ST3GAL1: variants seen among roughly 807,000 people sequenced by gnomAD.
ST3GAL1 encodes the protein CMP-N-acetylneuraminate-beta-galactosamide-alpha-2,3-sialyltransferase 1.
ST3GAL1 carries 16 observed loss-of-function variants against 34.1 expected under a neutral mutation model. The ratio of observed to expected loss-of-function variants is 0.47; its 90% CI spans 0.32 to 0.71. ST3GAL1 has a LOEUF of 0.71. Among genes scored for constraint, ST3GAL1 ranks in the 30% least tolerant of loss-of-function variants. The pLI, the probability that ST3GAL1 is intolerant of heterozygous loss-of-function variation, is 0.04. For missense variants in ST3GAL1, 353 were observed against 447.4 expected, an observed-to-expected ratio of 0.79 and a Z score of 1.90; for synonymous variants, 191 against 184.7, an observed-to-expected ratio of 1.03 and a Z score of -0.28.
At position 133,457,617 on chromosome 8, in the gene ST3GAL1, C is replaced by T. The variant is rs572054881; in HGVS notation, c.*2147G>A. 4.1e-4 allele frequency: 63 copies of T among 152,332 alleles called. No homozygotes were observed. Among genetic ancestry groups the T allele is most frequent in the African/African-American group, 1.4e-3 (59 of 41,586 alleles). The allele number at this position is 152,332 out of a possible 1,614,324, so 9.4% of individuals were successfully genotyped here. A position where few individuals can be genotyped will look rare whatever the true frequency, so the allele number is the denominator to read the frequency against. On this transcript the variant is annotated 3_prime_UTR_variant, in exon 10 of 10. Transcript: ENST00000522652. The stretch of plus-strand genomic sequence containing the variant: ...GTTTTGGAGGATTTTAAAGCTGAAA[C>T]AGGTTTTCGGTTTGTTTAACACATT...
intron 5 of ST3GAL1, among the ~76,000 whole-genome samples, chr8:133,471,842 A>G (rs953084934): frequency 6.6e-6 from 1 of 152,126 alleles, no homozygotes; most frequent in Middle Eastern, 3.4e-3. Flanking sequence ...GGCACTGGGC[A>G]TGGATGTCTG....
chr8:133,564,867 T>A (rs769137297), intron 1 of ST3GAL1, among the ~76,000 whole-genome samples: 1 of 152,210 alleles, frequency 6.6e-6, no homozygotes, highest in Non-Finnish European at 1.5e-5. Context: ...AAACCTCCAA[T>A]TGAAACCCAG....
Position 133,571,304 on chromosome 8 carries a change from G to A in ST3GAL1, c.-582+389C>T, listed in dbSNP as rs1264865589. 6.6e-6 allele frequency among the ~76,000 whole-genome samples: 1 copy of A among 152,162 alleles called. No homozygotes were observed. Among genetic ancestry groups the A allele is most frequent in the Non-Finnish European group, 1.5e-5 (1 of 68,028 alleles). On this transcript the variant is annotated intron_variant, in intron 1 of 9. Coordinates refer to ENST00000522652, the MANE Select transcript of ST3GAL1 (RefSeq NM_173344.3). The surrounding 1 kb of genome is among the most constrained non-coding windows in gnomAD (Gnocchi z 6.7). ...GCGGAGGAGATCCCAGCCCGGCGCC[G>A]GGTGCAATGTCACTGGGGCTGCTTT...
chr8:133,551,480 AAGAAAGAAAG>A (rs955564393), intron 1 of ST3GAL1, among the ~76,000 whole-genome samples: 16 of 150,630 alleles, frequency 1.1e-4, no homozygotes, highest in Admixed American at 2.7e-4. Context: ...GAGAGAGAGA[AAGAAAGAAAG>A]AGAAAGAAAG....
chr8:133,475,990 A>G lies in ST3GAL1; in HGVS notation c.35T>C (p.Leu12Pro). ...VTLRKRTLKVLTFLVLFIFLT... is the reference protein window; with the variant it reads ...VTLRKRTLKVPTFLVLFIFLT... ...GAAGATGAAGAGCACGAGGAAGGTGAGCACTTTCAGGGTCCTCTTCCGCAG... is the reference window on the plus strand; with the variant it reads ...GAAGATGAAGAGCACGAGGAAGGTGGGCACTTTCAGGGTCCTCTTCCGCAG... The change falls in exon 5 of 10, where the codon CTC becomes CCC. Residue 12 changes from leucine to proline, a missense_variant. By Grantham distance (98) the Leu-to-Pro change is moderately conservative. Coordinates refer to ENST00000522652, the MANE Select transcript of ST3GAL1 (RefSeq NM_173344.3). The G allele has an allele frequency of 1.9e-6, 3 of 1,609,682 alleles. No homozygotes were observed. Among genetic ancestry groups the G allele is most frequent in the Non-Finnish European group, 1.7e-6 (2 of 1,177,616 alleles).
chr8:133,517,873 T>C (rs1324903976), intron 2 of ST3GAL1, among the ~76,000 whole-genome samples: 4 of 152,222 alleles, frequency 2.6e-5, no homozygotes, highest in African/African-American at 9.6e-5. Flanking sequence ...AATCTAGAGT[T>C]CTGGCTACCT....
chr8:133,461,801 C>T lies in ST3GAL1; in HGVS notation c.849+74G>A, dbSNP rs538620781. 84 of 1,591,728 alleles carry T rather than the reference C, an allele frequency of 5.3e-5. No individual in the cohort carries two copies. Among genetic ancestry groups the T allele is most frequent in the South Asian group, 2.1e-4 (19 of 88,554 alleles). Reference sequence around the variant, plus strand: ...CAGGCTAGGTCTACCTGCCCTCCCCCTCCCTGGCCTCTCTTGGGAACACAG... The same window carrying T: ...CAGGCTAGGTCTACCTGCCCTCCCCTTCCCTGGCCTCTCTTGGGAACACAG... On this transcript the variant is annotated intron_variant, in intron 9 of 9. Coordinates refer to ENST00000522652, the MANE Select transcript of ST3GAL1 (RefSeq NM_173344.3). The surrounding 1 kb of genome is among the most constrained non-coding windows in gnomAD (Gnocchi z 4.7).
intron 2 of ST3GAL1, among the ~76,000 whole-genome samples, chr8:133,519,781 A>G (rs1484214003): frequency 1.6e-5 from 1 of 63,134 alleles, no homozygotes; most frequent in Non-Finnish European, 3.7e-5. Context: ...CCCCATGTCT[A>G]CTAAAAAAAA....
At chr8:133,493,862 A>AG (rs1554614284) in intron 3 of ST3GAL1, among the ~76,000 whole-genome samples, 31 of 150,124 alleles carry the variant, frequency 2.1e-4, no homozygotes, top group South Asian at 1.3e-3. Context: ...AAAAAAAAAA[A>AG]AGAGAGAGAG....
At chr8:133,465,006 C>G (rs531605502) in intron 6 of ST3GAL1, 49 bp from the exon 7 acceptor site, 9 of 1,561,364 alleles carry the variant, frequency 5.8e-6, no homozygotes, top group Non-Finnish European at 7.8e-6. Flanking sequence ...GGCACCCGTT[C>G]TCAGACAGCC....
chr8:133,532,963 AC>A (rs1202506240), intron 2 of ST3GAL1, among the ~76,000 whole-genome samples: 2 of 152,156 alleles, frequency 1.3e-5, no homozygotes, highest in Admixed American at 6.5e-5. Flanking sequence ...CGTTGAAACC[AC>A]TAAGGTACTA....
In ST3GAL1 at chr8:133,466,314, C is replaced by T. The variant is rs1437543029; in HGVS notation, c.307-224G>A. 1.3e-5 allele frequency among the ~76,000 whole-genome samples: 2 copies of T among 152,210 alleles called. No individual in the cohort carries two copies. The highest frequency in any genetic ancestry group is 3.9e-4 in the East Asian group (2 of 5,190). On this transcript the variant is annotated intron_variant, in intron 5 of 9. Coordinates refer to ENST00000522652, the MANE Select transcript of ST3GAL1 (RefSeq NM_173344.3). The surrounding 1 kb of genome is among the most constrained non-coding windows in gnomAD (Gnocchi z 4.4). Reference sequence around the variant, plus strand: ...GTAAAGAGAGCATTCATGTATTCTGCAAGTGTTTACTGAGCACCTACCATG... The same window carrying T: ...GTAAAGAGAGCATTCATGTATTCTGTAAGTGTTTACTGAGCACCTACCATG...
chr8:133,556,725 T>C lies in ST3GAL1; in HGVS notation c.-581-10799A>G. On this transcript the variant is annotated intron_variant, in intron 1 of 9. Transcript: ENST00000522652. The surrounding 1 kb of genome is among the most constrained non-coding windows in gnomAD (Gnocchi z 8.9). ...GAAACCTTGCACCCAAGGACACGGCTGACATCATATAAAGTCTGTCCCTGG... is the reference window on the plus strand; with the variant it reads ...GAAACCTTGCACCCAAGGACACGGCCGACATCATATAAAGTCTGTCCCTGG... Among the ~76,000 whole-genome samples the C allele has an allele frequency of 6.6e-6, 1 of 152,232 alleles. No individual in the cohort carries two copies. Among genetic ancestry groups the C allele is most frequent in the Non-Finnish European group, 1.5e-5 (1 of 68,048 alleles).
intron 2 of ST3GAL1, among the ~76,000 whole-genome samples, chr8:133,512,909 C>T (rs1218419769): frequency 6.6e-6 from 1 of 152,186 alleles, no homozygotes; most frequent in African/African-American, 2.4e-5. Context: ...GTAAAATTCA[C>T]ATGTGATTCC....
At chr8:133,496,309 G>T (rs1359233840) in intron 3 of ST3GAL1, among the ~76,000 whole-genome samples, 1 of 152,162 alleles carries the variant, frequency 6.6e-6, no homozygotes, top group Non-Finnish European at 1.5e-5. Context: ...TGAGTTTCTG[G>T]TTCTGCAGCC....
At chr8:133,473,238 C>T (rs923049464) in intron 5 of ST3GAL1, among the ~76,000 whole-genome samples, 1 of 152,162 alleles carries the variant, frequency 6.6e-6, no homozygotes, top group Non-Finnish European at 1.5e-5. Context: ...GAAGAAAGAT[C>T]GATACTGTCT....
In ST3GAL1 at chr8:133,461,677, G is replaced by T. The variant is rs1428483969; in HGVS notation, c.849+198C>A. ...AATGTGCCAGAACTATTGCTCCTGA[G>T]AACTTTCTCATAGAGCACTGTTACT... On this transcript the variant is annotated intron_variant, in intron 9 of 9. Coordinates refer to ENST00000522652, the MANE Select transcript of ST3GAL1 (RefSeq NM_173344.3). The surrounding 1 kb of genome is among the most constrained non-coding windows in gnomAD (Gnocchi z 4.7). 1.3e-5 allele frequency among the ~76,000 whole-genome samples: 2 copies of T among 152,180 alleles called. No homozygotes were observed. Among genetic ancestry groups the T allele is most frequent in the East Asian group, 3.8e-4 (2 of 5,198 alleles).
intron 1 of ST3GAL1, among the ~76,000 whole-genome samples, chr8:133,547,017 A>AG (rs1158272144): frequency 4.8e-5 from 5 of 104,344 alleles, no homozygotes; most frequent in African/African-American, 2.5e-4. Context: ...AAAAAAAAAA[A>AG]AAAGACTTCA....
chr8:133,484,704 A>G (rs1816514297), intron 3 of ST3GAL1, among the ~76,000 whole-genome samples: 1 of 152,110 alleles, frequency 6.6e-6, no homozygotes, highest in Admixed American at 6.5e-5. Flanking sequence ...GCCTAATAAG[A>G]AACCTGGGCC....
Sources: gnomAD v4.1 joint callset for allele counts (sites outside exome capture counted in the v4.1 genomes callset) on GRCh38, gnomAD v4.1.1 for gene constraint, Gnocchi (gnomAD v3.1) non-coding constraint, MANE v1.5 for transcripts, NCBI Gene and HGNC (gene_info 2026-07-23, HGNC 2026-07-21) for gene names.